TRDN: variants seen among roughly 807,000 people sequenced by gnomAD.
TRDN encodes the protein triadin in skeletal muscle.
In TRDN, 161 loss-of-function variants were observed where a neutral mutation model predicts 149.7. The observed-to-expected ratio is 1.08, with a 90% CI of 0.95 to 1.23. The LOEUF (loss-of-function observed/expected upper bound fraction) is 1.23. Among genes scored for constraint, TRDN ranks in the 50% most tolerant of loss-of-function variants. The pLI is 0.00. For missense variants in TRDN, 896 were observed against 823.5 expected (o/e 1.09, Z -1.08); for synonymous variants, 294 against 250.5 (o/e 1.17, Z -1.64).
At chr6:123,545,694 A>G (rs1044965997) in intron 4 of TRDN, among the ~76,000 whole-genome samples, 18 of 152,098 alleles carry the variant, frequency 1.2e-4, no homozygotes, top group African/African-American at 3.1e-4. Flanking sequence ...CCCTTAGACT[A>G]TTTTTGACTA....
rs768047321 is a variant in TRDN at position 123,548,499 on chromosome 6, A to T, written c.346T>A (p.Ser116Thr). 4 of 1,578,798 alleles carry T rather than the reference A, an allele frequency of 2.5e-6. No individual in the cohort carries two copies. Among genetic ancestry groups the T allele is most frequent in the Admixed American group, 1.8e-5 (1 of 55,542 alleles). ...FFSLLSDIISSEDEEDDDGDE... is the reference protein window; with the variant it reads ...FFSLLSDIISTEDEEDDDGDE... Reference sequence around the variant, plus strand: ...CCATCATCATCTTCTTCATCTTCAGATGAGATGATGTCAGATAACAAAGAA... The same window carrying T: ...CCATCATCATCTTCTTCATCTTCAGTTGAGATGATGTCAGATAACAAAGAA... Residue 116 changes from serine (S) to threonine (T), a missense_variant, in exon 3 of 41, where the codon TCT becomes ACT. Physicochemically the swap from Ser to Thr is moderately conservative, Grantham distance 58. Transcript: ENST00000334268.
At chr6:123,297,036 T>C (rs1449759998) in intron 24 of TRDN, among the ~76,000 whole-genome samples, 5 of 151,984 alleles carry the variant, frequency 3.3e-5, no homozygotes, top group Non-Finnish European at 5.9e-5. Context: ...GATAAGAGAG[T>C]GTTTGGAAAG....
At chr6:123,383,418 C>T (rs1014864254) in intron 14 of TRDN, among the ~76,000 whole-genome samples, 4 of 151,880 alleles carry the variant, frequency 2.6e-5, no homozygotes, top group African/African-American at 9.7e-5. Context: ...AATTCCATTT[C>T]TAGAAATCCA....
chr6:123,485,623 A>G (rs886800032), intron 9 of TRDN, among the ~76,000 whole-genome samples: 4 of 152,150 alleles, frequency 2.6e-5, no homozygotes, highest in Admixed American at 6.6e-5. Context: ...CAATTCTGCT[A>G]TATATGGGAA....
At chr6:123,363,007 T>A (rs1562278838) in intron 20 of TRDN, among the ~76,000 whole-genome samples, 2 of 152,120 alleles carry the variant, frequency 1.3e-5, no homozygotes. Flanking sequence ...AAAAGTAGGC[T>A]TAAGATAAGA....
Position 123,221,520 on chromosome 6 carries a change from C to A in TRDN, c.2017G>T (p.Gly673Ter). The change falls in exon 40 of 41, where the codon GGA (glycine) becomes TGA (stop). Residue 673 changes from glycine (G) to a stop codon, truncating the protein, a stop_gained and splice_region_variant. Transcript: ENST00000334268. LOFTEE classifies it high-confidence loss of function. ...TTTGTGGGAGACACATCTTCAGTTC[C>A]TTCTAGTGGATAAAAAATATAAAAG... ...DVPASKKAKEGTEDVSPTKQK... is the reference protein window; with the variant it reads ...DVPASKKAKE The A allele has an allele frequency of 6.4e-7, 1 of 1,564,646 alleles. No homozygotes were observed. Among genetic ancestry groups the A allele is most frequent in the African/African-American group, 1.4e-5 (1 of 73,288 alleles).
chr6:123,630,151 T>C lies in TRDN; in HGVS notation c.22+6603A>G, dbSNP rs561741571. 5.1e-4 allele frequency among the ~76,000 whole-genome samples: 56 copies of C among 110,240 alleles called. No homozygotes were observed. The South Asian group carries it at 0.012, about 24-fold the overall frequency. The allele number at this position is 110,240 out of a possible 152,430, so 72.3% of individuals were successfully genotyped here. On this transcript the variant is annotated intron_variant, in intron 1 of 40. Transcript: ENST00000334268. Reference sequence around the variant, plus strand: ...TAATGCATAGTTGCCAGATGAAGATTTTTCCCCTGCTTTGTTCTTTTTAAA... The same window carrying C: ...TAATGCATAGTTGCCAGATGAAGATCTTTCCCCTGCTTTGTTCTTTTTAAA...
Position 123,273,356 on chromosome 6 carries a change from A to G in TRDN, c.1605T>C (p.Ser535=). 9.9e-7 allele frequency: 1 copy of G among 1,010,674 alleles called. No homozygotes were observed. The highest frequency in any genetic ancestry group is 1.7e-5 in the South Asian group (1 of 57,562). The allele number at this position is 1,010,674 out of a possible 1,614,324, so 62.6% of individuals were successfully genotyped here. The change falls in exon 28 of 41, where the codon TCT becomes TCC. Residue 535 remains serine, a synonymous_variant. Transcript: ENST00000334268. ...QIKKEAKPAI[S]EKVQIHKQDI... ...ACATACTGTGTATTTGCACTTTTTC[A>G]GATATAGCTAAAATAAATAAATAAC...
At chr6:123,574,875 TATATATATATATATATATAC>T (rs1352477903) in intron 1 of TRDN, among the ~76,000 whole-genome samples, 13 of 126,996 alleles carry the variant, frequency 1.0e-4, no homozygotes, top group South Asian at 2.5e-4. Context: ...TATATATATA[TATATATATATATATATATAC>T]ACACATTTTC....
chr6:123,345,209 A>C (rs769383703), intron 21 of TRDN, among the ~76,000 whole-genome samples: 2 of 151,790 alleles, frequency 1.3e-5, no homozygotes, highest in Non-Finnish European at 2.9e-5. Flanking sequence ...CTTTGAGTTA[A>C]TTTTCTTGTG....
chr6:123,491,361 T>C (rs531076701), intron 9 of TRDN, among the ~76,000 whole-genome samples: 2 of 152,290 alleles, frequency 1.3e-5, no homozygotes, highest in East Asian at 3.9e-4. Context: ...TGAAGGCTCA[T>C]AGATGATAAC....
chr6:123,303,628 A>G (rs1399047561), intron 24 of TRDN, among the ~76,000 whole-genome samples: 1 of 152,212 alleles, frequency 6.6e-6, no homozygotes, highest in Admixed American at 6.5e-5. Flanking sequence ...GGGAAGATTC[A>G]AAAGACATTG....
At chr6:123,323,600 A>T (rs1779338798) in intron 23 of TRDN, among the ~76,000 whole-genome samples, 1 of 152,192 alleles carries the variant, frequency 6.6e-6, no homozygotes, top group African/African-American at 2.4e-5. Context: ...TGATTCTGCA[A>T]TCCTTCCTTG....
intron 1 of TRDN, among the ~76,000 whole-genome samples, chr6:123,605,474 T>C (rs1784487578): frequency 6.6e-6 from 1 of 151,662 alleles, no homozygotes; most frequent in Non-Finnish European, 1.5e-5. Context: ...GGTTTAGTGA[T>C]GGCAGCCAAC....
At chr6:123,380,034 T>C (rs1027911642) in intron 16 of TRDN, among the ~76,000 whole-genome samples, 3 of 152,120 alleles carry the variant, frequency 2.0e-5, no homozygotes, top group African/African-American at 7.2e-5. Context: ...AATTCAAAGA[T>C]ACAACACTAA....
At chr6:123,366,000 A>C (rs1781085118) in intron 20 of TRDN, 135 bp downstream of exon 20, 1 of 682,510 alleles carries the variant, frequency 1.5e-6, no homozygotes, top group Non-Finnish European at 2.4e-6. Context: ...TGTGCAAAAT[A>C]GGTTTGTTTC....
chr6:123,450,355 A>G (rs769603977), intron 10 of TRDN, among the ~76,000 whole-genome samples: 87 of 152,246 alleles, frequency 5.7e-4, no homozygotes, highest in Non-Finnish European at 1.1e-3. Context: ...CTAAGACTTA[A>G]GGACACACAT....
intron 2 of TRDN, among the ~76,000 whole-genome samples, chr6:123,553,489 G>A (rs982089097): frequency 1.3e-5 from 2 of 152,088 alleles, no homozygotes; most frequent in East Asian, 1.9e-4. Flanking sequence ...TGCACCAGAC[G>A]ACACTTACTG....
chr6:123,420,941 C>T (rs1005712010), intron 12 of TRDN, among the ~76,000 whole-genome samples: 1 of 152,230 alleles, frequency 6.6e-6, no homozygotes, highest in Non-Finnish European at 1.5e-5. Flanking sequence ...AACTGAAGTG[C>T]TCATATGAAA....
Sources: gnomAD v4.1 joint callset for allele counts (sites outside exome capture counted in the v4.1 genomes callset) on GRCh38, gnomAD v4.1.1 for gene constraint, MANE v1.5 for transcripts, NCBI Gene and HGNC (gene_info 2026-07-23, HGNC 2026-07-21) for gene names.